The following WDR27 variants were observed in gnomAD, a reference collection of about 807,000 sequenced individuals.
WDR27 encodes the protein WD repeat domain 27.
Under a neutral mutation model 114.4 loss-of-function variants are expected in WDR27, and 100 were observed. The observed-to-expected ratio is 0.87, with a 90% CI of 0.74 to 1.03. The LOEUF (loss-of-function observed/expected upper bound fraction) is 1.03. Ranked by LOEUF, WDR27 falls within the 50% of genes least tolerant of loss-of-function variation. The probability of loss-of-function intolerance (pLI) is 0.00; values close to 1 mark genes in which losing one functional copy is unlikely to be tolerated. For missense variants in WDR27, 1,129 were observed against 1,092.9 expected (o/e 1.03, Z -0.47); for synonymous variants, 449 against 423.1 (o/e 1.06, Z -0.75).
chr6:169,453,210 G>A (rs1453477543), downstream of WDR27, among the ~76,000 whole-genome samples: 1 of 152,206 alleles, frequency 6.6e-6, no homozygotes, highest in Non-Finnish European at 1.5e-5. Flanking sequence ...ACAGTGATCT[G>A]GACAAAAATT....
intron 23 of WDR27, among the ~76,000 whole-genome samples, chr6:169,598,384 T>A (rs1807257630): frequency 6.6e-6 from 1 of 152,184 alleles, no homozygotes. Context: ...CCCTTCTGCA[T>A]AATCACACAG....
chr6:169,499,235 G>A lies in WDR27; in HGVS notation c.2646-41601C>T, dbSNP rs116636964. On this transcript the variant is annotated intron_variant, in intron 25 of 25. Transcript: ENST00000448612. ...TTTGCAAGGTGAAGTATGTTCTCCC[G>A]GAGCCCAGCGTCAGCACCGAGGGTG... Among the ~76,000 whole-genome samples the A allele has an allele frequency of 1.0e-2, 1,517 of 152,310 alleles. 21 individuals carry two copies. The highest frequency in any genetic ancestry group is 0.035 in the African/African-American group (1,441 of 41,562).
At chr6:169,570,085 C>T (rs1339027038) in intron 25 of WDR27, among the ~76,000 whole-genome samples, 1 of 152,182 alleles carries the variant, frequency 6.6e-6, no homozygotes, top group Non-Finnish European at 1.5e-5. Flanking sequence ...CCTCATCTAC[C>T]TTCATGGTCT....
chr6:169,458,135 G>A (rs1443721455), intron 25 of WDR27, among the ~76,000 whole-genome samples: 1 of 152,212 alleles, frequency 6.6e-6, no homozygotes, highest in Non-Finnish European at 1.5e-5. Flanking sequence ...AGGAAGACTT[G>A]AACTATAAAC....
chr6:169,638,571 A>G lies in WDR27; in HGVS notation c.1837T>C (p.Ser613Pro), dbSNP rs1441895492. 5 of 1,610,828 alleles carry G rather than the reference A, an allele frequency of 3.1e-6. No individual in the cohort carries two copies. In the African/African-American group the frequency reaches 4.0e-5, roughly 13 times the overall value. The change falls in exon 18 of 26, where the codon TCG (serine) becomes CCG (proline). Residue 613 changes from serine (S) to proline (P), a missense_variant. Physicochemically the swap from Ser to Pro is moderately conservative, Grantham distance 74. Coordinates refer to ENST00000448612, the MANE Select transcript of WDR27 (RefSeq NM_182552.5). ...AARDGTLRMW[S>P]ARGAELALLL... The stretch of plus-strand genomic sequence containing the variant: ...AGTGCGAGCTCTGCCCCACGAGCCG[A>G]CCACATTCGCAGGGTCCCGTCCCGG...
At chr6:169,639,462 T>C (rs1202829256) in intron 17 of WDR27, among the ~76,000 whole-genome samples, 1 of 150,086 alleles carries the variant, frequency 6.7e-6, no homozygotes, top group African/African-American at 2.5e-5. Flanking sequence ...CTGTCAACGT[T>C]GAAGAAAAAA....
At chr6:169,527,525 T>G (rs73789999) in intron 25 of WDR27, among the ~76,000 whole-genome samples, 2,490 of 152,308 alleles carry the variant, frequency 0.016, 65 homozygotes, top group African/African-American at 0.057. Context: ...TCAGGGTGAT[T>G]CAAGTGTCCC....
At chr6:169,447,654 C>T in the WDR27 span, among the ~76,000 whole-genome samples, 1 of 152,174 alleles carries the variant, frequency 6.6e-6, no homozygotes, top group Non-Finnish European at 1.5e-5. Context: ...TGACTTCATC[C>T]ACAGGGTGGG....
At chr6:169,501,454 C>T (rs1791226599) in intron 25 of WDR27, among the ~76,000 whole-genome samples, 1 of 152,228 alleles carries the variant, frequency 6.6e-6, no homozygotes, top group Non-Finnish European at 1.5e-5. Context: ...TAGGCTCCTT[C>T]TATGTGCCTG....
At chr6:169,582,269 C>A (rs1428211269) in intron 24 of WDR27, among the ~76,000 whole-genome samples, 7 of 152,212 alleles carry the variant, frequency 4.6e-5, no homozygotes, top group Admixed American at 4.6e-4. Context: ...GCCACTGCGC[C>A]TGGCCAATAC....
intron 12 of WDR27, among the ~76,000 whole-genome samples, 155 bp downstream of exon 12, chr6:169,658,931 C>T (rs1333125766): frequency 6.6e-6 from 1 of 152,202 alleles, no homozygotes; most frequent in African/African-American, 2.4e-5. Flanking sequence ...TCGTGATCCA[C>T]CCGCCTCGGC....
chr6:169,459,946 C>CCA (rs1229996593), intron 25 of WDR27, among the ~76,000 whole-genome samples: 1 of 152,030 alleles, frequency 6.6e-6, no homozygotes, highest in Non-Finnish European at 1.5e-5. Context: ...ACCTGCCCTG[C>CCA]CAGAAATGTG....
chr6:169,468,299 G>T (rs1001479230), intron 25 of WDR27, among the ~76,000 whole-genome samples: 1 of 152,114 alleles, frequency 6.6e-6, no homozygotes, highest in Non-Finnish European at 1.5e-5. Context: ...TTCAACCTCT[G>T]CCTGTTACAC....
At chr6:169,563,835 C>A (rs2982393) in intron 25 of WDR27, among the ~76,000 whole-genome samples, 87,389 of 152,138 alleles carry the variant, frequency 0.57, 28,571 homozygotes, top group Non-Finnish European at 0.72. Flanking sequence ...GAAGAGTCTG[C>A]AATTCTCGAG....
intron 25 of WDR27, among the ~76,000 whole-genome samples, chr6:169,470,812 A>G (rs942551459): frequency 6.6e-6 from 1 of 152,148 alleles, no homozygotes; most frequent in African/African-American, 2.4e-5. Context: ...TTTTGGGGTA[A>G]AGGAGCATGC....
rs76825592 is a variant in WDR27 at position 169,578,167 on chromosome 6, C to A, written c.2523+4669G>T. ...ACGCAGGTCCTTCTGAGATTTCAAG[C>A]TGTAAGGCGCTCTCCAACTGTGAAA... On this transcript the variant is annotated intron_variant, in intron 24 of 25. Transcript: ENST00000448612. Among the ~76,000 whole-genome samples, 667 of 152,344 alleles carry A rather than the reference C, an allele frequency of 4.4e-3. 2 individuals carry two copies. Among genetic ancestry groups the A allele is most frequent in the Non-Finnish European group, 6.7e-3 (454 of 68,020 alleles).
chr6:169,698,739 G>A (rs539887707), intron 1 of WDR27, among the ~76,000 whole-genome samples: 1 of 152,202 alleles, frequency 6.6e-6, no homozygotes, highest in Non-Finnish European at 1.5e-5. Context: ...CACAGCCCGT[G>A]CACAGCCCTT....
At chr6:169,690,484 G>A (rs1431270477) in intron 1 of WDR27, among the ~76,000 whole-genome samples, 1 of 152,094 alleles carries the variant, frequency 6.6e-6, no homozygotes, top group Non-Finnish European at 1.5e-5. Flanking sequence ...TCTGCACCTT[G>A]GGAGCTCTTC....
At chr6:169,468,083 C>T (rs1291689818) in intron 25 of WDR27, among the ~76,000 whole-genome samples, 2 of 152,218 alleles carry the variant, frequency 1.3e-5, no homozygotes, top group Non-Finnish European at 2.9e-5. Flanking sequence ...TGCTGCCCAT[C>T]TCTTTGCTAC....
Sources: allele counts gnomAD v4.1 joint callset (sites outside exome capture counted in the v4.1 genomes callset), GRCh38; gene constraint gnomAD v4.1.1; transcripts MANE v1.5; gene names NCBI Gene and HGNC (gene_info 2026-07-23, HGNC 2026-07-21).